NOS1: variants seen among roughly 807,000 people sequenced by gnomAD.
NOS1 encodes the protein nitric oxide synthase 1, also known as NOS type I.
NOS1 carries 51 observed loss-of-function variants against 164.5 expected under a neutral mutation model. The observed-to-expected ratio is 0.31, with a 90% CI of 0.25 to 0.39. The LOEUF is 0.39. Ranked by LOEUF, NOS1 falls within the 10% of genes least tolerant of loss-of-function variation. The probability of loss-of-function intolerance (pLI) is 1.00; values close to 1 mark genes in which losing one functional copy is unlikely to be tolerated. For synonymous variants in NOS1, 719 were observed against 745.8 expected (o/e 0.96, Z 0.59); for missense variants, 1,362 against 1,885.6 (o/e 0.72, Z 5.14).
chr12:117,327,777 G>A (rs1875328068), intron 2 of NOS1, among the ~76,000 whole-genome samples: 1 of 152,144 alleles, frequency 6.6e-6, no homozygotes, highest in African/African-American at 2.4e-5. Context: ...CTGTCCCCAG[G>A]GAATGTACCG....
chr12:117,214,789 C>A lies in NOS1; in HGVS notation c.*520G>T. 1 of 983,930 alleles carries A rather than the reference C, an allele frequency of 1.0e-6. No individual in the cohort carries two copies. Among genetic ancestry groups the A allele is most frequent in the East Asian group, 1.1e-4 (1 of 8,716 alleles). The allele number at this position is 983,930 out of a possible 1,614,324, so 60.9% of individuals were successfully genotyped here. A position where few individuals can be genotyped will look rare whatever the true frequency, so the allele number is the denominator to read the frequency against. The stretch of plus-strand genomic sequence containing the variant: ...AATGAAAGCAGTGGCAATCTAAGAT[C>A]GACACACTTGTGCAGGGAAGAGGAC... On this transcript the variant is annotated 3_prime_UTR_variant, in exon 29 of 29. Transcript: ENST00000317775.
chr12:117,268,612 C>T lies in NOS1; in HGVS notation c.1840-468G>A, dbSNP rs1425583395. On this transcript the variant is annotated intron_variant, in intron 10 of 28. Transcript: ENST00000317775. ...CAATTTTTTTTTTTTTTTTTTGAGA[C>T]GGAGTCTTGCTCTGTCACCCAGGCT... 1.5e-4 allele frequency among the ~76,000 whole-genome samples: 15 copies of T among 101,716 alleles called. No individual in the cohort carries two copies. The East Asian group carries it at 2.4e-3, about 16-fold the overall frequency. 66.7% of individuals were successfully genotyped at this position (101,716 alleles called of 152,430 possible).
rs536223010 is a variant in NOS1, at chr12:117,208,967, C to T, written c.*6342G>A. The T allele has an allele frequency of 4.4e-6, 4 of 915,824 alleles. No homozygotes were observed. The highest frequency in any genetic ancestry group is 6.2e-5 in the Admixed American group (1 of 16,134). 56.7% of individuals were successfully genotyped at this position (915,824 alleles called of 1,614,324 possible). ...CTAACTCCCAGCCTCAAGTGATCTGCCAGCCTCGGCCTCCCAAAGTCCTGT... is the reference window on the plus strand; with the variant it reads ...CTAACTCCCAGCCTCAAGTGATCTGTCAGCCTCGGCCTCCCAAAGTCCTGT... On this transcript the variant is annotated 3_prime_UTR_variant, in exon 29 of 29. Transcript: ENST00000317775.
intron 2 of NOS1, among the ~76,000 whole-genome samples, chr12:117,319,597 C>T (rs756600877): frequency 3.9e-5 from 6 of 152,184 alleles, no homozygotes; most frequent in Non-Finnish European, 8.8e-5. Flanking sequence ...CTGGTTGCCT[C>T]ACAAAGATGT....
intron 11 of NOS1, among the ~76,000 whole-genome samples, chr12:117,266,834 G>A (rs1872459154): frequency 6.6e-6 from 1 of 152,072 alleles, no homozygotes; most frequent in Admixed American, 6.6e-5. Flanking sequence ...CACGGCGCCT[G>A]GCTAGTTTTC....
At chr12:117,306,239 C>T (rs954532563) in intron 3 of NOS1, among the ~76,000 whole-genome samples, 13 of 152,132 alleles carry the variant, frequency 8.5e-5, no homozygotes, top group African/African-American at 3.1e-4. Flanking sequence ...ACACTTACTT[C>T]ACCTTGGAAG....
chr12:117,240,749 T>C (rs540813588), intron 20 of NOS1, among the ~76,000 whole-genome samples: 1 of 152,312 alleles, frequency 6.6e-6, no homozygotes, highest in Non-Finnish European at 1.5e-5. Context: ...ATTCCCATTC[T>C]GTAGGTAAGG....
At chr12:117,315,043 C>T (rs1193739583) in intron 2 of NOS1, among the ~76,000 whole-genome samples, 2 of 152,216 alleles carry the variant, frequency 1.3e-5, no homozygotes, top group Non-Finnish European at 2.9e-5. Flanking sequence ...GAAATGATCA[C>T]ATGGTTCATC....
Position 117,220,087 on chromosome 12 carries a change from G to C in NOS1, c.4158C>G (p.Ile1386Met). 1 of 1,609,240 alleles carries C rather than the reference G, an allele frequency of 6.2e-7. No homozygotes were observed. The highest frequency in any genetic ancestry group is 8.5e-7 in the Non-Finnish European group (1 of 1,177,574). ...GCCTGTCACTCACCCTCATCCGGCT[G>C]ATGAATACGCCGGCGTCCTCTGCCG... The part of the protein sequence containing the change: ...KLSAEDAGVF[I>M]SRMRDDNRYH... The change falls in exon 27 of 29, where the codon ATC (isoleucine) becomes ATG (methionine). Residue 1386 changes from isoleucine to methionine, a missense_variant. Transcript: ENST00000317775.
intron 1 of NOS1, among the ~76,000 whole-genome samples, chr12:117,350,481 G>A (rs1388564304): frequency 6.6e-6 from 1 of 152,170 alleles, no homozygotes; most frequent in Non-Finnish European, 1.5e-5. Flanking sequence ...CTGTTCACTT[G>A]ATTTTATAGT....
At chr12:117,248,024 C>T (rs1487638106) in intron 17 of NOS1, among the ~76,000 whole-genome samples, 2 of 150,768 alleles carry the variant, frequency 1.3e-5, no homozygotes, top group Non-Finnish European at 3.0e-5. Flanking sequence ...CTCTAGCTCC[C>T]TCTCTCTCTC....
At chr12:117,235,041 C>T (rs1869588800) in intron 20 of NOS1, among the ~76,000 whole-genome samples, 1 of 152,010 alleles carries the variant, frequency 6.6e-6, no homozygotes, top group Non-Finnish European at 1.5e-5. Flanking sequence ...CCTCAGCCTC[C>T]CAAGTAGCTG....
intron 2 of NOS1, among the ~76,000 whole-genome samples, chr12:117,313,072 C>G (rs564175822): frequency 1.3e-4 from 20 of 152,132 alleles, no homozygotes; most frequent in Non-Finnish European, 2.4e-4. Flanking sequence ...CTCATCATAT[C>G]CTAATCTTCA....
At position 117,210,380 on chromosome 12, in the gene NOS1, T is replaced by A. The variant is rs1956509039; in HGVS notation, c.*4929A>T. 1.0e-6 allele frequency: 1 copy of A among 985,384 alleles called. No homozygotes were observed. The highest frequency in any genetic ancestry group is 1.2e-6 in the Non-Finnish European group (1 of 829,934). The allele number at this position is 985,384 out of a possible 1,614,324, so 61.0% of individuals were successfully genotyped here. ...ATAAAGGAAGACTAGTTAGTGTTTCTCTCTCCTTGTTGCTTCCTGGCAGTC... is the reference window on the plus strand; with the variant it reads ...ATAAAGGAAGACTAGTTAGTGTTTCACTCTCCTTGTTGCTTCCTGGCAGTC... On this transcript the variant is annotated 3_prime_UTR_variant, in exon 29 of 29. Transcript: ENST00000317775.
intron 2 of NOS1, among the ~76,000 whole-genome samples, chr12:117,318,181 C>T (rs1372590746): frequency 6.6e-6 from 1 of 152,106 alleles, no homozygotes; most frequent in Non-Finnish European, 1.5e-5. Flanking sequence ...CACACACACA[C>T]ACCCCTCAGA....
At chr12:117,292,413 G>A (rs1223187960) in intron 3 of NOS1, among the ~76,000 whole-genome samples, 1 of 152,156 alleles carries the variant, frequency 6.6e-6, no homozygotes, top group South Asian at 2.1e-4. Context: ...AGGAGGCAGG[G>A]CACTCATCTC....
chr12:117,247,542 A>G lies in NOS1; in HGVS notation c.2649-20T>C. On this transcript the variant is annotated intron_variant, in intron 17 of 28. Coordinates refer to ENST00000317775, the MANE Select transcript of NOS1 (RefSeq NM_000620.5). ...GAGAACCTGTCAAGGAGATGACAGAATGTTCATGCTAAGGGACTGTGGGGA... is the reference window on the plus strand; with the variant it reads ...GAGAACCTGTCAAGGAGATGACAGAGTGTTCATGCTAAGGGACTGTGGGGA... The G allele has an allele frequency of 6.2e-7, 1 of 1,600,300 alleles. No homozygotes were observed. Among genetic ancestry groups the G allele is most frequent in the African/African-American group, 1.3e-5 (1 of 74,596 alleles).
intron 16 of NOS1, among the ~76,000 whole-genome samples, chr12:117,256,798 G>A (rs1871494358): frequency 6.6e-6 from 1 of 151,894 alleles, no homozygotes; most frequent in Non-Finnish European, 1.5e-5. Context: ...TTGTCATGGT[G>A]CGGTGGCTCA....
intron 2 of NOS1, among the ~76,000 whole-genome samples, chr12:117,321,914 C>T (rs1267897591): frequency 2.6e-5 from 4 of 151,016 alleles, no homozygotes; most frequent in African/African-American, 7.3e-5. Context: ...CCTTCCTTCC[C>T]TCCCTCCCTC....
Sources: gnomAD v4.1 joint callset for allele counts (sites outside exome capture counted in the v4.1 genomes callset) on GRCh38, gnomAD v4.1.1 for gene constraint, MANE v1.5 for transcripts, NCBI Gene and HGNC (gene_info 2026-07-23, HGNC 2026-07-21) for gene names.